The following RPH3A variants were observed in gnomAD, a reference collection of about 807,000 sequenced individuals.
The protein encoded by RPH3A is rabphilin-3A.
RPH3A carries 48 observed loss-of-function variants against 102.2 expected under a neutral mutation model. The observed-to-expected ratio is 0.47, with a 90% CI of 0.37 to 0.60. The LOEUF (loss-of-function observed/expected upper bound fraction) is 0.60, where lower values mean the gene tolerates loss of function less well. Ranked by LOEUF, RPH3A falls within the 20% of genes least tolerant of loss-of-function variation. RPH3A has a pLI of 0.00. For synonymous variants in RPH3A, 310 were observed against 324.3 expected (o/e 0.96, Z 0.47); for missense variants, 781 against 910.1 (o/e 0.86, Z 1.83).
chr12:112,836,402 T>G (rs1259303814), intron 3 of RPH3A, 89 bp from the exon 4 acceptor site: 6 of 650,932 alleles, frequency 9.2e-6, no homozygotes, highest in Non-Finnish European at 1.5e-5. Flanking sequence ...GCTACGTGAG[T>G]GTTGCATCCA....
At chr12:112,674,408 C>T (rs574028199) in intron 1 of RPH3A, among the ~76,000 whole-genome samples, 2 of 152,184 alleles carry the variant, frequency 1.3e-5, no homozygotes, top group African/African-American at 4.8e-5. Context: ...GCCACCCTCA[C>T]CCCCAAGTCA....
At chr12:112,820,715 T>C (rs949284838) in intron 2 of RPH3A, among the ~76,000 whole-genome samples, 1 of 152,196 alleles carries the variant, frequency 6.6e-6, no homozygotes, top group Non-Finnish European at 1.5e-5. Context: ...CCCAAGGCCA[T>C]GCAGCTTGTA....
intron 1 of RPH3A, among the ~76,000 whole-genome samples, chr12:112,712,915 CT>C (rs2040476251): frequency 8.9e-6 from 1 of 112,538 alleles, no homozygotes; most frequent in Non-Finnish European, 1.7e-5. Flanking sequence ...TCTTCTTCTT[CT>C]TCTTCTTCCT....
chr12:112,791,953 C>G lies in RPH3A; in HGVS notation c.-199C>G, dbSNP rs931835635. 1 of 140,222 alleles carries G rather than the reference C, an allele frequency of 7.1e-6. No homozygotes were observed. The highest frequency in any genetic ancestry group is 1.5e-5 in the Non-Finnish European group (1 of 65,768). The allele number at this position is 140,222 out of a possible 1,614,324, so 8.7% of individuals were successfully genotyped here. A position where few individuals can be genotyped will look rare whatever the true frequency, so the allele number is the denominator to read the frequency against. The stretch of plus-strand genomic sequence containing the variant: ...CCATGTGGAGGACAGTCTGAGGGAG[C>G]CACTGTCCCTTGTCCACTGACTCAC... On this transcript the variant is annotated 5_prime_UTR_variant, in exon 1 of 22. Coordinates refer to ENST00000389385, the MANE Select transcript of RPH3A (RefSeq NM_001143854.2).
chr12:112,775,082 A>G (rs2040956747), intron 1 of RPH3A, among the ~76,000 whole-genome samples: 1 of 152,148 alleles, frequency 6.6e-6, no homozygotes, highest in Non-Finnish European at 1.5e-5. Flanking sequence ...GAGGCAGAGT[A>G]TTAGGAAGGA....
At chr12:112,597,180 G>A (rs891188349) in intron 1 of RPH3A, among the ~76,000 whole-genome samples, 1 of 152,194 alleles carries the variant, frequency 6.6e-6, no homozygotes, top group Non-Finnish European at 1.5e-5. Context: ...AGAGGGAACT[G>A]TGATTGTTGA....
chr12:112,673,869 G>T (rs1460953237), intron 1 of RPH3A, among the ~76,000 whole-genome samples: 1 of 151,846 alleles, frequency 6.6e-6, no homozygotes, highest in Non-Finnish European at 1.5e-5. Flanking sequence ...GTAACAATCT[G>T]TCTATTCTCT....
chr12:112,822,760 C>T (rs1006556522), intron 2 of RPH3A, among the ~76,000 whole-genome samples: 1 of 152,208 alleles, frequency 6.6e-6, no homozygotes, highest in Non-Finnish European at 1.5e-5. Context: ...TCAGTTATCC[C>T]ATCTGTAAAA....
At chr12:112,704,239 C>A (rs2040413758) in intron 1 of RPH3A, among the ~76,000 whole-genome samples, 1 of 152,138 alleles carries the variant, frequency 6.6e-6, no homozygotes, top group South Asian at 2.1e-4. Context: ...CAGGCGTAAG[C>A]CGTCACACCT....
intron 1 of RPH3A, among the ~76,000 whole-genome samples, chr12:112,603,464 G>A (rs1326948755): frequency 1.3e-5 from 2 of 152,082 alleles, no homozygotes; most frequent in African/African-American, 2.4e-5. Flanking sequence ...AGAGTAGGGC[G>A]TTCCTGAAAG....
intron 1 of RPH3A, among the ~76,000 whole-genome samples, chr12:112,661,166 T>C (rs367615758): frequency 2.0e-5 from 3 of 152,158 alleles, no homozygotes; most frequent in East Asian, 1.9e-4. Context: ...CTCAGACCCA[T>C]GCTGTACCCA....
chr12:112,746,179 T>C (rs1297157678), intron 1 of RPH3A, among the ~76,000 whole-genome samples: 1 of 152,178 alleles, frequency 6.6e-6, no homozygotes, highest in African/African-American at 2.4e-5. Flanking sequence ...AGCAAATGAA[T>C]GCTCTTGAAC....
Position 112,828,208 on chromosome 12 carries a change from A to G in RPH3A, c.-18-93A>G, listed in dbSNP as rs1456400347. Reference sequence around the variant, plus strand: ...CTGGATTTAGTTCTCTGTCTTCTCTATCCCACTGGGTGTGTGGCATAAAGC... The same window carrying G: ...CTGGATTTAGTTCTCTGTCTTCTCTGTCCCACTGGGTGTGTGGCATAAAGC... On this transcript the variant is annotated intron_variant, in intron 2 of 21. Coordinates refer to ENST00000389385, the MANE Select transcript of RPH3A (RefSeq NM_001143854.2). 28 of 835,660 alleles carry G rather than the reference A, an allele frequency of 3.4e-5. No individual in the cohort carries two copies. The East Asian group carries it at 6.2e-4, about 18-fold the overall frequency. The allele number at this position is 835,660 out of a possible 1,614,324, so 51.8% of individuals were successfully genotyped here.
At chr12:112,872,084 T>C (rs2042718958) in intron 10 of RPH3A, among the ~76,000 whole-genome samples, 1 of 152,158 alleles carries the variant, frequency 6.6e-6, no homozygotes, top group Admixed American at 6.5e-5. Context: ...GATCATATGG[T>C]AATTCTGTGT....
rs1456189953 is a variant in RPH3A, at chr12:112,840,190, A to AT, written c.83+3695dup. ...GCTTTTTTTCTTTCTAAATTTTTAAATTTTTTTGACATAAAATAGTTTACA... is the reference window on the plus strand; with the variant it reads ...GCTTTTTTTCTTTCTAAATTTTTAAATTTTTTTTGACATAAAATAGTTTACA... On this transcript the variant is annotated intron_variant, in intron 4 of 21. Coordinates refer to ENST00000389385, the MANE Select transcript of RPH3A (RefSeq NM_001143854.2). Among the ~76,000 whole-genome samples, 5 of 152,112 alleles carry AT rather than the reference A, an allele frequency of 3.3e-5. No homozygotes were observed. The South Asian group carries it at 8.3e-4, about 25-fold the overall frequency.
chr12:112,881,435 G>A (rs2042909049), intron 14 of RPH3A, among the ~76,000 whole-genome samples: 1 of 152,184 alleles, frequency 6.6e-6, no homozygotes, highest in Non-Finnish European at 1.5e-5. Flanking sequence ...CCATATGCCA[G>A]CACTTTATAG....
chr12:112,614,806 T>A, intron 1 of RPH3A, among the ~76,000 whole-genome samples: 1 of 151,544 alleles, frequency 6.6e-6, no homozygotes, highest in East Asian at 1.9e-4. Flanking sequence ...ATCTTTAGAG[T>A]TGGAGTCTTG....
chr12:112,619,444 C>T (rs1262715282), intron 1 of RPH3A, among the ~76,000 whole-genome samples: 1 of 152,050 alleles, frequency 6.6e-6, no homozygotes, highest in Non-Finnish European at 1.5e-5. Flanking sequence ...CTATCATGCC[C>T]AGCTAATTTT....
chr12:112,578,839 A>C (rs2039376753), intron 1 of RPH3A, among the ~76,000 whole-genome samples: 1 of 152,216 alleles, frequency 6.6e-6, no homozygotes, highest in African/African-American at 2.4e-5. Flanking sequence ...TGCTCCATCT[A>C]TAGGAGCAGC....
Sources: gnomAD v4.1 joint callset for allele counts (sites outside exome capture counted in the v4.1 genomes callset) on GRCh38, gnomAD v4.1.1 for gene constraint, MANE v1.5 for transcripts, NCBI Gene and HGNC (gene_info 2026-07-23, HGNC 2026-07-21) for gene names.